The following AGBL3 variants were observed in gnomAD, a reference collection of about 807,000 sequenced individuals.
AGBL3 encodes cytosolic carboxypeptidase 3.
Under a neutral mutation model 94.5 loss-of-function variants are expected in AGBL3, and 68 were observed. The observed-to-expected ratio is 0.72, with a 90% CI of 0.59 to 0.88. AGBL3 has a LOEUF of 0.88. AGBL3 is among the 40% of genes least tolerant of loss of function. AGBL3 has a pLI of 0.00. For synonymous variants in AGBL3, 354 were observed against 370.7 expected (o/e 0.95, Z 0.52); for missense variants, 934 against 1,103.8 (o/e 0.85, Z 2.18).
At chr7:135,094,129 T>TA (rs1398625187) in intron 15 of AGBL3, 1 of 299,624 alleles carries the variant, frequency 3.3e-6, no homozygotes, top group African/African-American at 2.2e-5. Context: ...ATGTAGGAGT[T>TA]AAAACTACTC....
At position 135,006,726 on chromosome 7, in the gene AGBL3, G is replaced by T. The variant is rs112747633; in HGVS notation, c.311-10326G>T. Among the ~76,000 whole-genome samples, 16 of 151,988 alleles carry T rather than the reference G, an allele frequency of 1.1e-4. 1 individual carries two copies. The highest frequency in any genetic ancestry group is 3.8e-4 in the African/African-American group (16 of 41,560). On this transcript the variant is annotated intron_variant, in intron 4 of 16. Coordinates refer to ENST00000436302, the MANE Select transcript of AGBL3 (RefSeq NM_178563.4). ...ACTTAGATTTGGATACCCTTGCAAAGAAGTTATGTGAAATTTTGTGGCATG... is the reference window on the plus strand; with the variant it reads ...ACTTAGATTTGGATACCCTTGCAAATAAGTTATGTGAAATTTTGTGGCATG...
intron 5 of AGBL3, among the ~76,000 whole-genome samples, chr7:135,031,126 A>G (rs1374467173): frequency 6.6e-6 from 1 of 151,862 alleles, no homozygotes; most frequent in East Asian, 1.9e-4. Context: ...CATTTGCATT[A>G]TCTTGGAGTC....
intron 11 of AGBL3, among the ~76,000 whole-genome samples, chr7:135,052,564 TCTCCCCCACCTTC>T (rs1012562678): frequency 2.7e-4 from 41 of 152,032 alleles, no homozygotes; most frequent in African/African-American, 9.7e-4. Flanking sequence ...TTTCAACCCC[TCTCCCCCACCTTC>T]CTCCCCCATC....
Position 135,011,506 on chromosome 7 carries a change from C to T in AGBL3, c.311-5546C>T, listed in dbSNP as rs553000896. 4 of 140,066 alleles carry T rather than the reference C, an allele frequency of 2.9e-5. No homozygotes were observed. In the South Asian group the frequency reaches 8.7e-4, roughly 30 times the overall value. 8.7% of individuals were successfully genotyped at this position (140,066 alleles called of 1,614,324 possible). A position where few individuals can be genotyped will look rare whatever the true frequency, so the allele number is the denominator to read the frequency against. On this transcript the variant is annotated intron_variant, in intron 4 of 16. Coordinates refer to ENST00000436302, the MANE Select transcript of AGBL3 (RefSeq NM_178563.4). ...GGAGAATATATTAATATTTGCAATA[C>T]ATAACTGACAAATAGATCATTTCTG...
At chr7:134,995,999 C>T (rs1485390929) in intron 4 of AGBL3, among the ~76,000 whole-genome samples, 1 of 152,200 alleles carries the variant, frequency 6.6e-6, no homozygotes, top group Non-Finnish European at 1.5e-5. Context: ...TTACTTCCCA[C>T]AGTCTTACGT....
At chr7:135,076,567 CAGG>C (rs1820473236) in intron 13 of AGBL3, 99 bp downstream of exon 13, 4 of 923,472 alleles carry the variant, frequency 4.3e-6, no homozygotes, top group Non-Finnish European at 6.5e-6. Flanking sequence ...AATTTTCCCC[CAGG>C]AGAAGTTAAA....
At chr7:135,105,835 G>A (rs1824627258) in intron 15 of AGBL3, among the ~76,000 whole-genome samples, 1 of 152,154 alleles carries the variant, frequency 6.6e-6, no homozygotes, top group South Asian at 2.1e-4. Flanking sequence ...TGGACAATAT[G>A]ACCATTTTAA....
chr7:134,996,871 G>T, intron 4 of AGBL3, among the ~76,000 whole-genome samples: 1 of 152,192 alleles, frequency 6.6e-6, no homozygotes, highest in South Asian at 2.1e-4. Context: ...TTATGAGTGT[G>T]GTCAGGGGTC....
chr7:135,045,104 A>G (rs1033767111), intron 9 of AGBL3, among the ~76,000 whole-genome samples: 7 of 151,914 alleles, frequency 4.6e-5, no homozygotes, highest in African/African-American at 1.7e-4. Context: ...TTCTTAATCA[A>G]AGCACTTTGA....
intron 15 of AGBL3, among the ~76,000 whole-genome samples, chr7:135,082,441 T>A (rs1378712162): frequency 2.6e-5 from 4 of 152,178 alleles, no homozygotes; most frequent in Admixed American, 1.3e-4. Context: ...TTACTCTTTT[T>A]TATTGCTATT....
At position 135,045,531 on chromosome 7, in the gene AGBL3, T is replaced by C. The variant is rs748943545; in HGVS notation, c.1685T>C (p.Phe562Ser). The change falls in exon 10 of 17, where the codon TTT (phenylalanine) becomes TCT (serine). Residue 562 changes from phenylalanine (F) to serine (S), a missense_variant. Transcript: ENST00000436302. Reference protein sequence around the residue: ...TKDLESMGYHFCDSLLDYCDP... With the variant: ...TKDLESMGYHSCDSLLDYCDP... Reference sequence around the variant, plus strand: ...GACCTGGAATCAATGGGATATCATTTTTGTGATTCTCTCTTGGATTATTGT... The same window carrying C: ...GACCTGGAATCAATGGGATATCATTCTTGTGATTCTCTCTTGGATTATTGT... The C allele has an allele frequency of 6.4e-7, 1 of 1,551,204 alleles. No individual in the cohort carries two copies. The highest frequency in any genetic ancestry group is 1.2e-5 in the South Asian group (1 of 84,056).
Position 135,044,115 on chromosome 7 carries a change from T to C in AGBL3, c.1591T>C (p.Phe531Leu). 6.4e-7 allele frequency: 1 copy of C among 1,550,670 alleles called. No homozygotes were observed. The highest frequency in any genetic ancestry group is 8.7e-7 in the Non-Finnish European group (1 of 1,146,210). Residue 531 changes from phenylalanine to leucine, a missense_variant, in exon 9 of 17, where the codon TTT becomes CTT. This residue lies in a region of AGBL3 where 441 missense variants were observed against 518.2 expected (regional missense o/e 0.85). Transcript: ENST00000436302. ...VMWKMGIRNS[F>L]TMEATFCGST... is the part of the protein sequence containing the mutation. Reference sequence around the variant, plus strand: ...GTGGAAAATGGGAATCAGGAACAGCTTTACCATGGAGGCCACCTTCTGTGG... The same window carrying C: ...GTGGAAAATGGGAATCAGGAACAGCCTTACCATGGAGGCCACCTTCTGTGG...
chr7:135,003,475 T>C (rs1811981655), intron 4 of AGBL3, among the ~76,000 whole-genome samples: 2 of 151,994 alleles, frequency 1.3e-5, no homozygotes, highest in Admixed American at 1.3e-4. Flanking sequence ...ATATGGAATC[T>C]AAAATAAGCT....
At chr7:135,053,067 AACC>A (rs1818025683) in intron 11 of AGBL3, among the ~76,000 whole-genome samples, 1 of 152,222 alleles carries the variant, frequency 6.6e-6, no homozygotes, top group South Asian at 2.1e-4. Context: ...GGAACATAAT[AACC>A]ACTTTTTCCA....
chr7:135,058,956 C>A (rs1473401195), intron 11 of AGBL3, among the ~76,000 whole-genome samples: 1 of 152,136 alleles, frequency 6.6e-6, no homozygotes, highest in African/African-American at 2.4e-5. Flanking sequence ...AGGGTTTCAC[C>A]ATGTTGGTCA....
chr7:135,008,108 G>A (rs565446096), intron 4 of AGBL3, among the ~76,000 whole-genome samples: 1 of 151,918 alleles, frequency 6.6e-6, no homozygotes, highest in East Asian at 1.9e-4. Flanking sequence ...ATACCAGTGG[G>A]TTGCTTTGTA....
At position 135,135,337 on chromosome 7, in the gene AGBL3, G is replaced by T; in HGVS notation, c.*76G>T. 1 of 1,286,156 alleles carries T rather than the reference G, an allele frequency of 7.8e-7. No homozygotes were observed. Among genetic ancestry groups the T allele is most frequent in the African/African-American group, 1.5e-5 (1 of 66,832 alleles). 79.7% of individuals were successfully genotyped at this position (1,286,156 alleles called of 1,614,324 possible). ...ATGTAGTAAAAAGAAAAAAAGGAAA[G>T]CCCTCCCCTTCCCCTTTCCCTATCT... On this transcript the variant is annotated 3_prime_UTR_variant, in exon 17 of 17. Transcript: ENST00000436302.
chr7:135,077,665 C>G (rs1223498630), intron 13 of AGBL3, among the ~76,000 whole-genome samples: 1 of 152,156 alleles, frequency 6.6e-6, no homozygotes, highest in Non-Finnish European at 1.5e-5. Context: ...TCTGCAGCAA[C>G]ATCAATTCTT....
At chr7:135,071,931 G>A (rs916147675) in intron 12 of AGBL3, among the ~76,000 whole-genome samples, 62 of 152,120 alleles carry the variant, frequency 4.1e-4, no homozygotes, top group Non-Finnish European at 6.2e-4. Flanking sequence ...TTAAACTAAA[G>A]AGCTTCTGCA....
Sources: allele counts gnomAD v4.1 joint callset (sites outside exome capture counted in the v4.1 genomes callset), GRCh38; gene constraint gnomAD v4.1.1; regional missense constraint gnomAD v4.1.1; transcripts MANE v1.5; gene names NCBI Gene and HGNC (gene_info 2026-07-23, HGNC 2026-07-21).